Variants in TTLL5 observed in about 807,000 individuals in gnomAD.
The protein encoded by TTLL5 is tubulin polyglutamylase TTLL5.
Under a neutral mutation model 168.4 loss-of-function variants are expected in TTLL5, and 132 were observed. That is an observed-to-expected ratio of 0.78 (90% CI 0.68 to 0.91). TTLL5 has a LOEUF of 0.91. Ranked by LOEUF, TTLL5 falls within the 40% of genes least tolerant of loss-of-function variation. TTLL5 has a pLI of 0.00. For synonymous variants in TTLL5, 546 were observed against 558.6 expected (o/e 0.98, Z 0.32); for missense variants, 1,545 against 1,581.5 (o/e 0.98, Z 0.39).
At chr14:75,938,648 A>G (rs1355544839) in intron 31 of TTLL5, among the ~76,000 whole-genome samples, 1 of 152,214 alleles carries the variant, frequency 6.6e-6, no homozygotes, top group African/African-American at 2.4e-5. Context: ...CATATTACAG[A>G]GGAAGAAACT....
chr14:75,850,406 CAAAAAA>C (rs35336374), intron 28 of TTLL5, among the ~76,000 whole-genome samples: 8 of 91,292 alleles, frequency 8.8e-5, no homozygotes, highest in Admixed American at 2.6e-4. Flanking sequence ...AACTCCGTCT[CAAAAAA>C]AAAAAAAAAA....
rs562315479 is a variant in TTLL5 at position 75,807,310 on chromosome 14, C to T, written c.3172-12697C>T. ...AAAAAAGACAAAAATTAGCCAGGTG[C>T]GGTGGCACGTGCCTGTAGTCCCAGC... is the stretch of plus-strand genomic sequence containing the variant. On this transcript the variant is annotated intron_variant, in intron 27 of 31. Coordinates refer to ENST00000298832, the MANE Select transcript of TTLL5 (RefSeq NM_015072.5). Among the ~76,000 whole-genome samples the T allele has an allele frequency of 3.5e-3, 526 of 152,076 alleles. 3 individuals carry two copies. The highest frequency in any genetic ancestry group is 5.5e-3 in the Non-Finnish European group (373 of 67,960).
rs530829607 is a variant in TTLL5, at chr14:75,668,920, C to T, written c.75-496C>T. 3.9e-4 allele frequency among the ~76,000 whole-genome samples: 59 copies of T among 152,342 alleles called. 2 individuals are homozygous for T. In the South Asian group the frequency reaches 9.1e-3, roughly 24 times the overall value. ...GCATATCTTGATTCTGAAAATCCCA[C>T]TTTATCTCTTCAGTCAACCTCCTGC... On this transcript the variant is annotated intron_variant, in intron 2 of 31. Transcript: ENST00000298832.
chr14:75,711,757 C>T (rs964145821), intron 9 of TTLL5: 1 of 152,278 alleles, frequency 6.6e-6, no homozygotes, highest in Non-Finnish European at 1.5e-5. Context: ...TTTGTAGTGC[C>T]TTTCCCTTTC....
chr14:75,859,771 T>C (rs1277802498), intron 28 of TTLL5, among the ~76,000 whole-genome samples: 2 of 152,218 alleles, frequency 1.3e-5, no homozygotes, highest in Non-Finnish European at 2.9e-5. Flanking sequence ...TATTTAGATA[T>C]ATAAACTTGG....
At chr14:75,735,557 G>A (rs946560122) in intron 15 of TTLL5, among the ~76,000 whole-genome samples, 62 of 151,972 alleles carry the variant, frequency 4.1e-4, no homozygotes, top group African/African-American at 1.5e-3. Flanking sequence ...TAAAAATCAC[G>A]TTTTTTCCGC....
intron 7 of TTLL5, among the ~76,000 whole-genome samples, chr14:75,702,812 A>G (rs964143133): frequency 2.0e-5 from 3 of 152,130 alleles, no homozygotes; most frequent in African/African-American, 7.2e-5. Context: ...AAGCTTTGGA[A>G]TGAGTCTGAT....
At chr14:75,824,182 CA>C (rs2140422648) in intron 28 of TTLL5, among the ~76,000 whole-genome samples, 1 of 152,192 alleles carries the variant, frequency 6.6e-6, no homozygotes, top group African/African-American at 2.4e-5. Flanking sequence ...GAATGGTTCC[CA>C]ATCTCAAAAT....
intron 28 of TTLL5, among the ~76,000 whole-genome samples, chr14:75,859,663 G>A (rs868040391): frequency 6.6e-6 from 1 of 152,110 alleles, no homozygotes; most frequent in African/African-American, 2.4e-5. Flanking sequence ...TTTGGTAGGA[G>A]TAGAAAAAAC....
chr14:75,789,689 G>A (rs1217323253), intron 26 of TTLL5, among the ~76,000 whole-genome samples: 1 of 152,080 alleles, frequency 6.6e-6, no homozygotes, highest in East Asian at 1.9e-4. Context: ...AGACTACATT[G>A]AAAGACACAG....
chr14:75,842,447 T>G (rs1473085107), intron 28 of TTLL5, among the ~76,000 whole-genome samples: 1 of 152,188 alleles, frequency 6.6e-6, no homozygotes, highest in Non-Finnish European at 1.5e-5. Flanking sequence ...CTTTATTTTC[T>G]TAATGTTCCT....
chr14:75,838,624 A>T (rs1226400783), intron 28 of TTLL5: 1 of 152,272 alleles, frequency 6.6e-6, no homozygotes, highest in African/African-American at 2.4e-5. Context: ...ACAGTTGCTC[A>T]GAGGGTGGTG....
intron 27 of TTLL5, among the ~76,000 whole-genome samples, chr14:75,808,915 A>C (rs553060339): frequency 8.6e-5 from 13 of 152,032 alleles, no homozygotes; most frequent in Non-Finnish European, 1.8e-4. Flanking sequence ...GTGTGCCACC[A>C]TGCCCAGCTG....
chr14:75,706,968 T>G (rs747197765), intron 7 of TTLL5, 50 bp from the exon 8 acceptor site: 1 of 1,457,214 alleles, frequency 6.9e-7, no homozygotes, highest in East Asian at 2.3e-5. Context: ...TATTGTAAAT[T>G]AGGATTCCTG....
At position 75,766,155 on chromosome 14, in the gene TTLL5, A is replaced by C. The variant is rs1458828179; in HGVS notation, c.1802A>C (p.Glu601Ala). The C allele has an allele frequency of 1.2e-6, 2 of 1,614,094 alleles. No individual in the cohort carries two copies. The highest frequency in any genetic ancestry group is 1.7e-6 in the Non-Finnish European group (2 of 1,179,988). ...VALDNEDEEQ[E>A]ASQEESAGFL... ...TTAGATAATGAAGATGAAGAACAGG[A>C]GGCTTCCCAGGAGGAGTCTGCAGGA... Residue 601 changes from glutamate to alanine, a missense_variant, in exon 20 of 32, where the codon GAG becomes GCG. Glu to Ala is a moderately radical substitution (Grantham distance 107). Transcript: ENST00000298832.
intron 31 of TTLL5, among the ~76,000 whole-genome samples, chr14:75,921,223 A>G (rs933131276): frequency 2.6e-5 from 4 of 152,106 alleles, no homozygotes; most frequent in Admixed American, 6.6e-5. Context: ...GAAGCTCTTT[A>G]GTTTAATTAG....
intron 31 of TTLL5, among the ~76,000 whole-genome samples, chr14:75,933,323 T>C (rs2034334641): frequency 6.6e-6 from 1 of 151,860 alleles, no homozygotes; most frequent in Non-Finnish European, 1.5e-5. Context: ...CCAGGCCGGG[T>C]GTGGTTGCAT....
chr14:75,666,526 A>AT (rs1883274311), intron 2 of TTLL5, among the ~76,000 whole-genome samples: 1 of 152,248 alleles, frequency 6.6e-6, no homozygotes, highest in African/African-American at 2.4e-5. Context: ...GGCTGGCTTT[A>AT]TATCAGTTAA....
At chr14:75,881,148 A>G (rs1204452663) in intron 29 of TTLL5, among the ~76,000 whole-genome samples, 1 of 152,180 alleles carries the variant, frequency 6.6e-6, no homozygotes, top group Admixed American at 6.5e-5. Flanking sequence ...TCCTGAGCTC[A>G]GGTGATCCAC....
Sources: allele counts gnomAD v4.1 joint callset (sites outside exome capture counted in the v4.1 genomes callset), GRCh38; gene constraint gnomAD v4.1.1; transcripts MANE v1.5; gene names NCBI Gene and HGNC (gene_info 2026-07-23, HGNC 2026-07-21).